The following CTNND2 variants were observed in gnomAD, a reference collection of about 807,000 sequenced individuals.
CTNND2 encodes catenin delta-2.
CTNND2 carries 22 observed loss-of-function variants against 144.4 expected under a neutral mutation model. The ratio of observed to expected loss-of-function variants is 0.15; its 90% CI spans 0.11 to 0.22. CTNND2 has a LOEUF of 0.22. Among genes scored for constraint, CTNND2 ranks in the 10% least tolerant of loss-of-function variants. The probability of loss-of-function intolerance (pLI) is 1.00; values close to 1 mark genes in which losing one functional copy is unlikely to be tolerated. For missense variants in CTNND2, 1,353 were observed against 1,618.8 expected (o/e 0.84, Z 2.82); for synonymous variants, 751 against 695.6 (o/e 1.08, Z -1.25).
chr5:11,849,246 T>A (rs1168122131), intron 1 of CTNND2, among the ~76,000 whole-genome samples: 1 of 152,128 alleles, frequency 6.6e-6, no homozygotes, highest in African/African-American at 2.4e-5. Context: ...TGAGACTTAC[T>A]ACCATGAGAA....
intron 5 of CTNND2, among the ~76,000 whole-genome samples, chr5:11,407,488 A>G (rs1229168927): frequency 1.3e-5 from 2 of 152,238 alleles, no homozygotes; most frequent in African/African-American, 4.8e-5. Context: ...TCTTGAGGTC[A>G]AAAAGATGCG....
intron 15 of CTNND2, among the ~76,000 whole-genome samples, chr5:11,089,099 T>C (rs1047109369): frequency 1.3e-5 from 2 of 152,226 alleles, no homozygotes; most frequent in Non-Finnish European, 2.9e-5. Context: ...AAGTCACACA[T>C]TGAAGATGGC....
intron 9 of CTNND2, among the ~76,000 whole-genome samples, chr5:11,261,794 A>G (rs1744884396): frequency 6.6e-6 from 1 of 152,242 alleles, no homozygotes. Flanking sequence ...TGGATTTTGC[A>G]GCTTTTATTT....
chr5:11,600,945 A>T (rs1296226400), intron 2 of CTNND2, among the ~76,000 whole-genome samples: 1 of 152,148 alleles, frequency 6.6e-6, no homozygotes. Flanking sequence ...TCACAGGTAA[A>T]GAGCTAAACT....
At chr5:11,677,667 A>G (rs1784236721) in intron 2 of CTNND2, among the ~76,000 whole-genome samples, 1 of 152,200 alleles carries the variant, frequency 6.6e-6, no homozygotes, top group Admixed American at 6.5e-5. Context: ...TGAGTTAAAA[A>G]GGGTACACAA....
At chr5:10,974,210 T>G (rs922801233) in intron 21 of CTNND2, among the ~76,000 whole-genome samples, 1 of 152,234 alleles carries the variant, frequency 6.6e-6, no homozygotes, top group Non-Finnish European at 1.5e-5. Context: ...GACTGGCTTC[T>G]TTCACTTAGC....
chr5:11,432,126 T>A (rs867113066), intron 3 of CTNND2, among the ~76,000 whole-genome samples: 2 of 146,114 alleles, frequency 1.4e-5, no homozygotes, highest in African/African-American at 5.4e-5. Context: ...TGAGGCTTTT[T>A]TTTTTTTTTT....
At chr5:11,563,958 C>T (rs1371849659) in intron 3 of CTNND2, among the ~76,000 whole-genome samples, 2 of 152,114 alleles carry the variant, frequency 1.3e-5, no homozygotes, top group East Asian at 1.9e-4. Context: ...AGGACTCTGC[C>T]CCACTTCCAT....
chr5:11,188,040 G>C (rs1243605621), intron 11 of CTNND2, among the ~76,000 whole-genome samples: 4 of 152,192 alleles, frequency 2.6e-5, no homozygotes, highest in Admixed American at 6.5e-5. Flanking sequence ...GGAAGAAAAT[G>C]TGGTGATTCC....
intron 12 of CTNND2, among the ~76,000 whole-genome samples, chr5:11,131,861 C>G (rs1755647410): frequency 6.6e-6 from 1 of 151,964 alleles, no homozygotes; most frequent in Non-Finnish European, 1.5e-5. Context: ...GTCATGTAAT[C>G]TTTTAATTTA....
chr5:11,317,408 G>T (rs539872639), intron 9 of CTNND2, among the ~76,000 whole-genome samples: 2 of 152,264 alleles, frequency 1.3e-5, no homozygotes, highest in South Asian at 4.1e-4. Flanking sequence ...ACACACTGAG[G>T]TCAGTGCATT....
intron 9 of CTNND2, among the ~76,000 whole-genome samples, chr5:11,325,268 T>C (rs1752419131): frequency 6.6e-6 from 1 of 152,096 alleles, no homozygotes; most frequent in Admixed American, 6.6e-5. Context: ...TGCCTTGATA[T>C]TTCATTAAAC....
intron 9 of CTNND2, among the ~76,000 whole-genome samples, chr5:11,304,157 C>T (rs1359973705): frequency 6.6e-6 from 1 of 150,822 alleles, no homozygotes; most frequent in Non-Finnish European, 1.5e-5. Flanking sequence ...AAGGGTATGT[C>T]TTTATCAGCA....
intron 9 of CTNND2, among the ~76,000 whole-genome samples, chr5:11,342,587 G>C (rs1754384642): frequency 6.6e-6 from 1 of 152,140 alleles, no homozygotes; most frequent in Non-Finnish European, 1.5e-5. Flanking sequence ...ATCTCAAAAA[G>C]GGATTAATCA....
chr5:11,716,988 C>T (rs555252624), intron 2 of CTNND2, among the ~76,000 whole-genome samples: 141 of 152,194 alleles, frequency 9.3e-4, no homozygotes, highest in African/African-American at 3.2e-3. Flanking sequence ...CTGCCTCAGC[C>T]TCCCGAGTAG....
chr5:11,844,855 T>A (rs1223873435), intron 1 of CTNND2, among the ~76,000 whole-genome samples: 1 of 152,074 alleles, frequency 6.6e-6, no homozygotes, highest in Admixed American at 6.6e-5. Context: ...AGAGGAAGTG[T>A]CTGAGTTGAA....
chr5:11,724,993 T>A (rs938142773), intron 2 of CTNND2, among the ~76,000 whole-genome samples: 3 of 152,156 alleles, frequency 2.0e-5, no homozygotes, highest in African/African-American at 7.2e-5. Flanking sequence ...CCTGAGGCTA[T>A]GAGTAGAATA....
chr5:11,347,257 T>C (rs992431645), intron 8 of CTNND2, among the ~76,000 whole-genome samples: 1 of 152,168 alleles, frequency 6.6e-6, no homozygotes, highest in African/African-American at 2.4e-5. Context: ...CAAGTGAAGC[T>C]GTCACAGAAA....
At chr5:11,356,099 A>G (rs1011567126) in intron 8 of CTNND2, among the ~76,000 whole-genome samples, 1 of 152,134 alleles carries the variant, frequency 6.6e-6, no homozygotes, top group African/African-American at 2.4e-5. Flanking sequence ...AATAATTAGT[A>G]CTGTTAAAAT....
Sources: allele counts gnomAD v4.1 joint callset (sites outside exome capture counted in the v4.1 genomes callset), GRCh38; gene constraint gnomAD v4.1.1; transcripts MANE v1.5; gene names NCBI Gene and HGNC (gene_info 2026-07-23, HGNC 2026-07-21).